The following FNBP1 variants were observed in gnomAD, a reference collection of about 807,000 sequenced individuals.
FNBP1 encodes formin binding protein 1.
Under a neutral mutation model 90.6 loss-of-function variants are expected in FNBP1, and 26 were observed. The ratio of observed to expected loss-of-function variants is 0.29; its 90% confidence interval spans 0.21 to 0.40. The LOEUF (loss-of-function observed/expected upper bound fraction) is 0.40, where lower values mean the gene tolerates loss of function less well. FNBP1 is among the 10% of genes least tolerant of loss of function. FNBP1 has a pLI of 1.00. For synonymous variants in FNBP1, 260 were observed against 265.2 expected, an observed-to-expected ratio of 0.98 and a Z score of 0.19; for missense variants, 635 against 768.0, an observed-to-expected ratio of 0.83 and a Z score of 2.05.
intron 1 of FNBP1, among the ~76,000 whole-genome samples, chr9:130,004,984 T>C (rs939936218): frequency 6.7e-6 from 1 of 148,266 alleles, no homozygotes; most frequent in East Asian, 2.0e-4. Flanking sequence ...GAGAATCGCT[T>C]GAACCCAGGA....
chr9:129,893,637 A>AAAAAAAAAAG lies in FNBP1; in HGVS notation c.1846+2200_1846+2201insCTTTTTTTTT, dbSNP rs56397008. On this transcript the variant is annotated intron_variant, in intron 16 of 16. Transcript: ENST00000446176. Reference sequence around the variant, plus strand: ...CAAAAAAAAAAAAAAAAAAAAAAAAAGCCAGGCACGGGCTCATGCCTGTAA... The same window carrying AAAAAAAAAAG: ...CAAAAAAAAAAAAAAAAAAAAAAAAAAAAAAAAAAGGCCAGGCACGGGCTCATGCCTGTAA... Among the ~76,000 whole-genome samples the AAAAAAAAAAG allele has an allele frequency of 1.5e-3, 91 of 62,234 alleles. 23 individuals carry two copies. Among genetic ancestry groups the AAAAAAAAAAG allele is most frequent in the Admixed American group, 2.3e-3 (9 of 3,938 alleles). The allele number at this position is 62,234 out of a possible 152,430, so 40.8% of individuals were successfully genotyped here.
chr9:130,052,908 A>G, the FNBP1 span, among the ~76,000 whole-genome samples: 135,166 of 151,696 alleles, frequency 0.89, 61,002 homozygotes, highest in East Asian at 0.97. Context: ...TGAGGTCAGG[A>G]GTTCGAGACC....
chr9:129,985,889 G>A (rs1564506096), intron 2 of FNBP1, among the ~76,000 whole-genome samples: 1 of 150,750 alleles, frequency 6.6e-6, no homozygotes, highest in Non-Finnish European at 1.5e-5. Context: ...TTCAACCCAG[G>A]AGGCGGTGTT....
intron 6 of FNBP1, among the ~76,000 whole-genome samples, chr9:129,946,167 T>A (rs183231314): frequency 0.03 from 4,403 of 148,638 alleles, 126 homozygotes; most frequent in Non-Finnish European, 0.036. Context: ...ATACTCTGTT[T>A]CAAAAAAAAA....
the FNBP1 span, among the ~76,000 whole-genome samples, chr9:130,051,481 A>G: frequency 2.0e-5 from 3 of 152,212 alleles, no homozygotes; most frequent in African/African-American, 7.2e-5. Flanking sequence ...TAGATTCAAC[A>G]CTACACATTC....
intron 10 of FNBP1, 78 bp from the exon 11 acceptor site, chr9:129,916,058 T>C: frequency 2.9e-6 from 3 of 1,032,056 alleles, no homozygotes; most frequent in Non-Finnish European, 4.5e-6. Flanking sequence ...CAACAACACA[T>C]CAGAAGAAGA....
At chr9:129,998,826 T>C (rs979662459) in intron 1 of FNBP1, among the ~76,000 whole-genome samples, 3 of 152,224 alleles carry the variant, frequency 2.0e-5, no homozygotes, top group Middle Eastern at 6.3e-3. Context: ...ACAATATGTT[T>C]TCCATAAAGT....
intron 2 of FNBP1, among the ~76,000 whole-genome samples, chr9:129,980,413 G>C (rs932259703): frequency 5.9e-5 from 9 of 151,864 alleles, no homozygotes; most frequent in African/African-American, 2.2e-4. Context: ...AGGCTGTGTG[G>C]CTGCTCTACC....
intron 1 of FNBP1, among the ~76,000 whole-genome samples, chr9:130,032,692 G>A (rs2058909479): frequency 6.6e-6 from 1 of 151,352 alleles, no homozygotes; most frequent in Admixed American, 6.6e-5. Context: ...GTTTCAAGCA[G>A]CAAATATCCA....
intron 6 of FNBP1, among the ~76,000 whole-genome samples, chr9:129,947,182 T>G (rs865806465): frequency 6.6e-6 from 1 of 152,134 alleles, no homozygotes; most frequent in Non-Finnish European, 1.5e-5. Context: ...GGCTCACGCC[T>G]GTAATCCCAG....
chr9:130,038,358 CAAAAA>C (rs532239781), intron 1 of FNBP1, among the ~76,000 whole-genome samples: 3 of 76,078 alleles, frequency 3.9e-5, no homozygotes, highest in Non-Finnish European at 7.1e-5. Context: ...GACTCCGTCT[CAAAAA>C]AAAAAAAAAA....
chr9:129,963,723 TC>T (rs1234304762), intron 4 of FNBP1, among the ~76,000 whole-genome samples: 4 of 151,594 alleles, frequency 2.6e-5, no homozygotes, highest in South Asian at 4.2e-4. Flanking sequence ...CAAGCAATTC[TC>T]CTGCCTCAGC....
chr9:129,902,801 A>G (rs1359704402), intron 13 of FNBP1, 68 bp downstream of exon 13: 3 of 1,544,334 alleles, frequency 1.9e-6, no homozygotes, highest in African/African-American at 2.7e-5. Flanking sequence ...AGGGCCCCAC[A>G]CCATTCTACA....
At chr9:130,012,078 C>T (rs2056682653) in intron 1 of FNBP1, among the ~76,000 whole-genome samples, 2 of 152,116 alleles carry the variant, frequency 1.3e-5, no homozygotes, top group Admixed American at 1.3e-4. Flanking sequence ...AATTGAAAGG[C>T]CAGGAACAGG....
Position 129,889,088 on chromosome 9 carries a change from G to A in FNBP1, c.*1451C>T, listed in dbSNP as rs1022727496. On this transcript the variant is annotated 3_prime_UTR_variant, in exon 17 of 17. Coordinates refer to ENST00000446176, the MANE Select transcript of FNBP1 (RefSeq NM_015033.3). The stretch of plus-strand genomic sequence containing the variant: ...CTCTGCTCTAAGGCGTGGCGGGGGG[G>A]GGGGGTGGTGGCCACAGATTAGGGG... 5.1e-5 allele frequency: 11 copies of A among 217,098 alleles called. No homozygotes were observed. Among genetic ancestry groups the A allele is most frequent in the South Asian group, 3.8e-4 (2 of 5,250 alleles). 13.4% of individuals were successfully genotyped at this position (217,098 alleles called of 1,614,324 possible).
At chr9:130,024,893 T>G (rs2058188817) in intron 1 of FNBP1, among the ~76,000 whole-genome samples, 1 of 152,184 alleles carries the variant, frequency 6.6e-6, no homozygotes, top group Non-Finnish European at 1.5e-5. Context: ...TTCAGCAAAC[T>G]ACTCCCTGAT....
intron 4 of FNBP1, among the ~76,000 whole-genome samples, chr9:129,965,180 T>G (rs943237627): frequency 2.0e-5 from 3 of 152,190 alleles, no homozygotes; most frequent in African/African-American, 7.2e-5. Flanking sequence ...AACGCCTTAG[T>G]CCTGTTCAAG....
intron 16 of FNBP1, among the ~76,000 whole-genome samples, chr9:129,893,997 G>A (rs1200414105): frequency 1.3e-5 from 2 of 151,514 alleles, no homozygotes; most frequent in Non-Finnish European, 2.9e-5. Context: ...CTTGAAACAC[G>A]GCCCCTAGCA....
At chr9:130,021,668 T>C (rs1243676110) in intron 1 of FNBP1, among the ~76,000 whole-genome samples, 1 of 152,098 alleles carries the variant, frequency 6.6e-6, no homozygotes, top group Non-Finnish European at 1.5e-5. Context: ...ACACAGACAA[T>C]CATTAAGGAG....
Sources: gnomAD v4.1 joint callset for allele counts (sites outside exome capture counted in the v4.1 genomes callset) on GRCh38, gnomAD v4.1.1 for gene constraint, MANE v1.5 for transcripts, NCBI Gene and HGNC (gene_info 2026-07-23, HGNC 2026-07-21) for gene names.